Variants in ITGA11 observed in about 807,000 individuals in gnomAD.
ITGA11 encodes integrin subunit alpha 11.
ITGA11 carries 97 observed loss-of-function variants against 141.9 expected under a neutral mutation model. The ratio of observed to expected loss-of-function variants is 0.68; its 90% CI spans 0.58 to 0.81. The LOEUF is 0.81. Ranked by LOEUF, ITGA11 falls within the 30% of genes least tolerant of loss-of-function variation. ITGA11 has a pLI of 0.00. For missense variants in ITGA11, 1,387 were observed against 1,559.2 expected, an observed-to-expected ratio of 0.89 and a Z score of 1.86; for synonymous variants, 658 against 624.6, an observed-to-expected ratio of 1.05 and a Z score of -0.80.
chr15:68,327,856 C>T (rs553976219), intron 16 of ITGA11, among the ~76,000 whole-genome samples: 7 of 152,326 alleles, frequency 4.6e-5, no homozygotes, highest in African/African-American at 1.7e-4. Flanking sequence ...CTGTTTCCTT[C>T]TTCTCCTGTC....
intron 2 of ITGA11, among the ~76,000 whole-genome samples, chr15:68,379,502 C>T (rs1895808501): frequency 6.6e-6 from 1 of 152,224 alleles, no homozygotes; most frequent in Admixed American, 6.5e-5. Flanking sequence ...ATAGAGGAAG[C>T]TGCTCATTTT....
chr15:68,399,778 T>TA (rs1395249735), intron 2 of ITGA11, among the ~76,000 whole-genome samples: 1 of 152,028 alleles, frequency 6.6e-6, no homozygotes, highest in Non-Finnish European at 1.5e-5. Flanking sequence ...AGATGGGAAC[T>TA]ATAGACATTG....
chr15:68,377,316 G>C (rs1054911219), intron 2 of ITGA11, among the ~76,000 whole-genome samples: 1 of 152,048 alleles, frequency 6.6e-6, no homozygotes, highest in Non-Finnish European at 1.5e-5. Flanking sequence ...CTGTTGCCCC[G>C]GCTGGAGTGC....
rs929619823 is a variant in ITGA11, at chr15:68,299,949, T to G, written c.*3110A>C. ...AAACCATCACCTTCCTTAACAAAAG[T>G]AAAACCCAGAAACTCCACTGGGGTT... On this transcript the variant is annotated 3_prime_UTR_variant, in exon 30 of 30. Transcript: ENST00000315757. 1 of 152,186 alleles carries G rather than the reference T, an allele frequency of 6.6e-6. No individual in the cohort carries two copies. Among genetic ancestry groups the G allele is most frequent in the Admixed American group, 6.5e-5 (1 of 15,284 alleles). 9.4% of individuals were successfully genotyped at this position (152,186 alleles called of 1,614,324 possible). A position where few individuals can be genotyped will look rare whatever the true frequency, so the allele number is the denominator to read the frequency against.
chr15:68,415,867 G>A (rs1896876269), intron 1 of ITGA11, among the ~76,000 whole-genome samples: 1 of 152,210 alleles, frequency 6.6e-6, no homozygotes, highest in Non-Finnish European at 1.5e-5. Flanking sequence ...TGAAGCAGGT[G>A]CTGCCTGCCA....
At chr15:68,401,607 A>ATTTTT (rs1410468278) in intron 2 of ITGA11, among the ~76,000 whole-genome samples, 1 of 152,186 alleles carries the variant, frequency 6.6e-6, no homozygotes, top group Non-Finnish European at 1.5e-5. Flanking sequence ...GATACAAATG[A>ATTTTT]GCACCTATTG....
Position 68,350,653 on chromosome 15 carries a change from C to A in ITGA11, c.1024G>T (p.Val342Phe). The change falls in exon 9 of 30, where the codon GTC (valine) becomes TTC (phenylalanine). Residue 342 changes from valine to phenylalanine, a missense_variant. Coordinates refer to ENST00000315757, the MANE Select transcript of ITGA11 (RefSeq NM_001004439.2). Reference protein sequence around the residue: ...VTDEAALKDIVDALGDRIFSL... With the variant: ...VTDEAALKDIFDALGDRIFSL... ...AAGATTCTGTCCCCCAGGGCATCGACAATGTCCTTCAAGGCAGCCTCATCA... is the reference window on the plus strand; with the variant it reads ...AAGATTCTGTCCCCCAGGGCATCGAAAATGTCCTTCAAGGCAGCCTCATCA... 1 of 1,613,952 alleles carries A rather than the reference C, an allele frequency of 6.2e-7. No homozygotes were observed. Among genetic ancestry groups the A allele is most frequent in the South Asian group, 1.1e-5 (1 of 91,070 alleles).
chr15:68,366,097 T>C (rs1016688059), intron 3 of ITGA11, among the ~76,000 whole-genome samples: 1 of 152,220 alleles, frequency 6.6e-6, no homozygotes, highest in African/African-American at 2.4e-5. Flanking sequence ...GCAAGGCTCC[T>C]TTTGAAATCT....
In ITGA11 at chr15:68,332,566, G is replaced by A. The variant is rs969422631; in HGVS notation, c.1426-88C>T. The stretch of plus-strand genomic sequence containing the variant: ...CGCCTCGCGGGCAGAGGGAAGCCAA[G>A]GTCATCCTTTGACTCAGAATTTTTG... On this transcript the variant is annotated intron_variant, in intron 12 of 29. Transcript: ENST00000315757. 5 of 1,467,326 alleles carry A rather than the reference G, an allele frequency of 3.4e-6. No individual in the cohort carries two copies. The Admixed American group carries it at 8.8e-5, about 26-fold the overall frequency. The allele number at this position is 1,467,326 out of a possible 1,614,324, so 90.9% of individuals were successfully genotyped here.
At position 68,336,935 on chromosome 15, in the gene ITGA11, A is replaced by T. The variant is rs186503779; in HGVS notation, c.1277-1090T>A. 3.9e-5 allele frequency among the ~76,000 whole-genome samples: 6 copies of T among 151,998 alleles called. No individual in the cohort carries two copies. The East Asian group carries it at 1.2e-3, about 29-fold the overall frequency. On this transcript the variant is annotated intron_variant, in intron 11 of 29. Coordinates refer to ENST00000315757, the MANE Select transcript of ITGA11 (RefSeq NM_001004439.2). ...TCTGGTTCCAGACACAACAGTTTTCACTCTTGAGGCTGTACTTTGGGAAAT... is the reference window on the plus strand; with the variant it reads ...TCTGGTTCCAGACACAACAGTTTTCTCTCTTGAGGCTGTACTTTGGGAAAT...
chr15:68,327,974 G>T, intron 16 of ITGA11, 122 bp downstream of exon 16: 2 of 890,366 alleles, frequency 2.2e-6, no homozygotes, highest in Non-Finnish European at 3.4e-6. Flanking sequence ...GTCATCCAAG[G>T]TGGCTCTTGG....
rs145497091 is a variant in ITGA11, at chr15:68,383,053, C to G, written c.165-13769G>C. 4.8e-3 allele frequency among the ~76,000 whole-genome samples: 726 copies of G among 152,268 alleles called. 4 individuals are homozygous for G. Among genetic ancestry groups the G allele is most frequent in the Admixed American group, 8.3e-3 (127 of 15,302 alleles). Reference sequence around the variant, plus strand: ...TTTGGAGGCCGAGGCAGGCGGATCACAAGGTCAGGAGATTGAGACCATCCT... The same window carrying G: ...TTTGGAGGCCGAGGCAGGCGGATCAGAAGGTCAGGAGATTGAGACCATCCT... On this transcript the variant is annotated intron_variant, in intron 2 of 29. Transcript: ENST00000315757.
At chr15:68,395,214 A>G (rs986368386) in intron 2 of ITGA11, among the ~76,000 whole-genome samples, 2 of 152,232 alleles carry the variant, frequency 1.3e-5, no homozygotes, top group Non-Finnish European at 1.5e-5. Flanking sequence ...AACCTCAAAG[A>G]TGGGGAGAAA....
chr15:68,357,404 CAGGAGGG>C, intron 6 of ITGA11, 105 bp from the exon 7 acceptor site: 1 of 1,396,794 alleles, frequency 7.2e-7, no homozygotes, highest in East Asian at 2.4e-5. Context: ...TGTGATAATA[CAGGAGGG>C]AGGAGGGCTG....
chr15:68,421,888 C>T lies in ITGA11; in HGVS notation c.52+10127G>A, dbSNP rs373094533. On this transcript the variant is annotated intron_variant, in intron 1 of 29. Coordinates refer to ENST00000315757, the MANE Select transcript of ITGA11 (RefSeq NM_001004439.2). ...AGTGGCAACCGGGACATGTTCAGGA[C>T]GATGGTAGGGGCTGCTGGCAAGCCT... 2.6e-3 allele frequency among the ~76,000 whole-genome samples: 392 copies of T among 152,262 alleles called. 4 individuals are homozygous for T. The highest frequency in any genetic ancestry group is 8.7e-3 in the African/African-American group (360 of 41,524).
Position 68,303,955 on chromosome 15 carries a change from A to T in ITGA11, c.3382-70T>A, listed in dbSNP as rs1595847120. The T allele has an allele frequency of 3.2e-6, 3 of 937,550 alleles. No homozygotes were observed. Among genetic ancestry groups the T allele is most frequent in the East Asian group, 5.0e-5 (2 of 40,078 alleles). The allele number at this position is 937,550 out of a possible 1,614,324, so 58.1% of individuals were successfully genotyped here. ...GCTGGGGTGGCAGTCTGGGAGGGGC[A>T]GGAGGGTGGAGACAGCTGGCACCTG... On this transcript the variant is annotated intron_variant, in intron 28 of 29. Coordinates refer to ENST00000315757, the MANE Select transcript of ITGA11 (RefSeq NM_001004439.2). The surrounding 1 kb of genome is among the most constrained non-coding windows in gnomAD (Gnocchi z 5.3).
In ITGA11 at chr15:68,331,062, C is replaced by T; in HGVS notation, c.1820G>A (p.Ser607Asn). The T allele has an allele frequency of 6.2e-7, 1 of 1,610,954 alleles. No homozygotes were observed. The highest frequency in any genetic ancestry group is 8.5e-7 in the Non-Finnish European group (1 of 1,178,636). ...LATGLQYFGC[S>N]IHGQLDLNED... is the part of the protein sequence containing the mutation. ...ATTGAGGTCCAATTGCCCGTGGATG[C>T]TGCAGCCAAAATACTGGAGGCCGGT... Residue 607 changes from serine (S) to asparagine (N), a missense_variant, in exon 15 of 30, where the codon AGC becomes AAC. Transcript: ENST00000315757.
At chr15:68,306,229 G>A (rs529817770) in intron 28 of ITGA11, among the ~76,000 whole-genome samples, 6 of 149,920 alleles carry the variant, frequency 4.0e-5, no homozygotes, top group Admixed American at 4.0e-4. Context: ...AGAGAGTATA[G>A]AGGAATTTTT....
chr15:68,390,030 A>G (rs1227159542), intron 2 of ITGA11, among the ~76,000 whole-genome samples: 1 of 152,228 alleles, frequency 6.6e-6, no homozygotes, highest in Non-Finnish European at 1.5e-5. Flanking sequence ...CTGAAAATAC[A>G]CAAGGGCTTA....
Sources: gnomAD v4.1 joint callset for allele counts (sites outside exome capture counted in the v4.1 genomes callset) on GRCh38, gnomAD v4.1.1 for gene constraint, Gnocchi (gnomAD v3.1) non-coding constraint, MANE v1.5 for transcripts, NCBI Gene and HGNC (gene_info 2026-07-23, HGNC 2026-07-21) for gene names.